ADH4: variants seen among roughly 807,000 people sequenced by gnomAD.
The protein encoded by ADH4 is alcohol dehydrogenase 4 (class II), pi polypeptide.
Under a neutral mutation model 35.2 loss-of-function variants are expected in ADH4, and 31 were observed. The observed-to-expected ratio is 0.88, with a 90% CI of 0.66 to 1.19. The LOEUF (loss-of-function observed/expected upper bound fraction) is 1.19, where lower values mean the gene tolerates loss of function less well. Ranked by LOEUF, ADH4 falls within the 50% of genes most tolerant of loss-of-function variation. The pLI, the probability that ADH4 is intolerant of heterozygous loss-of-function variation, is 0.00. For synonymous variants in ADH4, 171 were observed against 160.2 expected, an observed-to-expected ratio of 1.07 and a Z score of -0.51; for missense variants, 476 against 458.3, an observed-to-expected ratio of 1.04 and a Z score of -0.35.
chr4:99,133,727 G>A (rs1729354837), intron 5 of ADH4: 1 of 152,128 alleles, frequency 6.6e-6, no homozygotes, highest in Non-Finnish European at 1.5e-5. Flanking sequence ...GCATACCCAT[G>A]TTCAATGAAG....
rs1729438138 is a variant in ADH4 at position 99,136,547 on chromosome 4, A to G, written c.501T>C (p.Asp167=). 6.2e-7 allele frequency: 1 copy of G among 1,614,158 alleles called. No individual in the cohort carries two copies. Among genetic ancestry groups the G allele is most frequent in the South Asian group, 1.1e-5 (1 of 91,088 alleles). The stretch of plus-strand genomic sequence containing the variant: ...AAACTCTCTCTAAATTTGCATCATC[A>G]TCTATTTTGGCAAGATTGATATCTG... ...VVSDINLAKI[D]DDANLERVCL... The change falls in exon 5 of 9, where the codon GAT becomes GAC. Residue 167 remains aspartate (D), a synonymous_variant. Coordinates refer to ENST00000265512, the MANE Select transcript of ADH4 (RefSeq NM_000670.5).
chr4:99,129,549 G>T (rs1182064535), intron 6 of ADH4, among the ~76,000 whole-genome samples: 2 of 152,120 alleles, frequency 1.3e-5, no homozygotes, highest in Non-Finnish European at 2.9e-5. Flanking sequence ...TTAACTTTTA[G>T]TTTTATAACC....
Position 99,136,459 on chromosome 4 carries a change from C to T in ADH4, c.582+7G>A. ...TGTTTTACACAAACTGGTGTTTAAC[C>T]ATTTACCTTGGCATTGTTGATTGCA... is the stretch of plus-strand genomic sequence containing the variant. On this transcript the variant is annotated splice_region_variant and intron_variant, in intron 5 of 8. Coordinates refer to ENST00000265512, the MANE Select transcript of ADH4 (RefSeq NM_000670.5). 2 of 1,611,644 alleles carry T rather than the reference C, an allele frequency of 1.2e-6. No individual in the cohort carries two copies. Among genetic ancestry groups the T allele is most frequent in the Middle Eastern group, 1.7e-4 (1 of 6,060 alleles).
intron 5 of ADH4, among the ~76,000 whole-genome samples, chr4:99,136,233 G>T (rs1729429105): frequency 6.6e-6 from 1 of 151,876 alleles, no homozygotes; most frequent in South Asian, 2.1e-4. Flanking sequence ...ACATATGCTG[G>T]GTCAATTATA....
At chr4:99,128,894 G>A (rs909708139) in intron 6 of ADH4, among the ~76,000 whole-genome samples, 3 of 151,868 alleles carry the variant, frequency 2.0e-5, no homozygotes, top group African/African-American at 4.8e-5. Context: ...CAACTTCCTG[G>A]GCTTAAGTTA....
At chr4:99,130,402 A>G (rs1366644828) in intron 6 of ADH4, among the ~76,000 whole-genome samples, 1 of 152,192 alleles carries the variant, frequency 6.6e-6, no homozygotes, top group Non-Finnish European at 1.5e-5. Context: ...AAGGGTCCTT[A>G]GCAGGTGTTA....
In ADH4 at chr4:99,124,391, C is replaced by T; in HGVS notation, c.*51G>A. 2.3e-6 allele frequency: 3 copies of T among 1,314,312 alleles called. No individual in the cohort carries two copies. The highest frequency in any genetic ancestry group is 2.4e-5 in the East Asian group (1 of 41,428). 81.4% of individuals were successfully genotyped at this position (1,314,312 alleles called of 1,614,324 possible). On this transcript the variant is annotated 3_prime_UTR_variant, in exon 9 of 9. Transcript: ENST00000265512. ...TCATCAAATCAGGTAATAAATTAAC[C>T]AGGCAGGTTCACATTCAATCAGATA...
chr4:99,124,377 G>T lies in ADH4; in HGVS notation c.*65C>A. 1 of 1,124,146 alleles carries T rather than the reference G, an allele frequency of 8.9e-7. No homozygotes were observed. The allele number at this position is 1,124,146 out of a possible 1,614,324, so 69.6% of individuals were successfully genotyped here. A position where few individuals can be genotyped will look rare whatever the true frequency, so the allele number is the denominator to read the frequency against. On this transcript the variant is annotated 3_prime_UTR_variant, in exon 9 of 9. Transcript: ENST00000265512. ...TGGCTTTCCTTGGTTCATCAAATCA[G>T]GTAATAAATTAACCAGGCAGGTTCA...
At chr4:99,140,789 C>T (rs1729586312) in intron 3 of ADH4, among the ~76,000 whole-genome samples, 1 of 151,456 alleles carries the variant, frequency 6.6e-6, no homozygotes, top group Admixed American at 6.6e-5. Flanking sequence ...ATTGCTTGAA[C>T]CCAGGAGGCG....
At chr4:99,127,439 C>A in intron 6 of ADH4, 95 bp from the exon 7 acceptor site, 1 of 974,392 alleles carries the variant, frequency 1.0e-6, no homozygotes, top group Non-Finnish European at 1.5e-6. Context: ...AAAATTAATC[C>A]AACTCTGCAT....
At chr4:99,144,174 A>C in intron 1 of ADH4, 31 bp downstream of exon 1, 1 of 1,612,696 alleles carries the variant, frequency 6.2e-7, no homozygotes, top group South Asian at 1.1e-5. Flanking sequence ...GAAAAGCACA[A>C]ACTGAACAAA....
chr4:99,139,606 T>G (rs1729548592), intron 3 of ADH4, among the ~76,000 whole-genome samples: 1 of 152,202 alleles, frequency 6.6e-6, no homozygotes, highest in Non-Finnish European at 1.5e-5. Context: ...AAATTCCAAT[T>G]TAATAGTGAC....
At chr4:99,135,265 T>TA (rs1483204467) in intron 5 of ADH4, among the ~76,000 whole-genome samples, 2 of 151,574 alleles carry the variant, frequency 1.3e-5, no homozygotes, top group Admixed American at 6.6e-5. Flanking sequence ...CCTGTCTCTA[T>TA]AAAAAATTAA....
intron 8 of ADH4, 152 bp from the exon 9 acceptor site, chr4:99,124,618 C>A: frequency 1.8e-6 from 1 of 556,932 alleles, no homozygotes; most frequent in Non-Finnish European, 3.2e-6. Flanking sequence ...CCGTCATCCT[C>A]TTCCATTCAT....
chr4:99,136,207 T>C (rs1373108526), intron 5 of ADH4, among the ~76,000 whole-genome samples: 2 of 152,212 alleles, frequency 1.3e-5, no homozygotes, highest in Non-Finnish European at 2.9e-5. Context: ...ACCTAATATG[T>C]TAGTATAGTA....
intron 3 of ADH4, among the ~76,000 whole-genome samples, chr4:99,141,223 G>T (rs1279471207): frequency 2.0e-5 from 3 of 152,250 alleles, no homozygotes; most frequent in African/African-American, 7.2e-5. Flanking sequence ...ACATGATCTT[G>T]TTCTTTTATA....
chr4:99,128,471 G>A (rs1315539537), intron 6 of ADH4, among the ~76,000 whole-genome samples: 1 of 152,098 alleles, frequency 6.6e-6, no homozygotes, highest in African/African-American at 2.4e-5. Flanking sequence ...TTAAATAATG[G>A]CTAGTTCTGC....
In ADH4 at chr4:99,124,286, C is replaced by A. The variant is rs978324790; in HGVS notation, c.*156G>T. On this transcript the variant is annotated 3_prime_UTR_variant, in exon 9 of 9. Coordinates refer to ENST00000265512, the MANE Select transcript of ADH4 (RefSeq NM_000670.5). ...GGAATATTCATATATATAACAGGTA[C>A]AAAGTCTATAATATTTAAAGCTCTT... The A allele has an allele frequency of 1.7e-6, 1 of 593,164 alleles. No individual in the cohort carries two copies. Among genetic ancestry groups the A allele is most frequent in the Non-Finnish European group, 3.0e-6 (1 of 337,338 alleles). The allele number at this position is 593,164 out of a possible 1,614,324, so 36.7% of individuals were successfully genotyped here.
chr4:99,131,795 T>A (rs751034996), intron 5 of ADH4, 31 bp from the exon 6 acceptor site: 1 of 1,595,324 alleles, frequency 6.3e-7, no homozygotes. Context: ...AAGTAACTTC[T>A]AAAGCAGCCA....
Sources: gnomAD v4.1 joint callset for allele counts (sites outside exome capture counted in the v4.1 genomes callset) on GRCh38, gnomAD v4.1.1 for gene constraint, MANE v1.5 for transcripts, NCBI Gene and HGNC (gene_info 2026-07-23, HGNC 2026-07-21) for gene names.